Variants in PHKB observed in about 807,000 individuals in gnomAD.
The protein encoded by PHKB is phosphorylase kinase regulatory subunit beta, also known as phosphorylase b kinase regulatory subunit beta.
Under a neutral mutation model 152.1 loss-of-function variants are expected in PHKB, and 122 were observed. That is an observed-to-expected ratio of 0.80 (90% CI 0.69 to 0.93). The LOEUF (loss-of-function observed/expected upper bound fraction) is 0.93, where lower values mean the gene tolerates loss of function less well. Among genes scored for constraint, PHKB ranks in the 40% least tolerant of loss-of-function variants. The pLI is 0.00. For missense variants in PHKB, 1,304 were observed against 1,328.4 expected, an observed-to-expected ratio of 0.98 and a Z score of 0.29; for synonymous variants, 436 against 464.9, an observed-to-expected ratio of 0.94 and a Z score of 0.80.
At chr16:47,628,496 C>T (rs572292053) in intron 14 of PHKB, among the ~76,000 whole-genome samples, 8 of 152,168 alleles carry the variant, frequency 5.3e-5, no homozygotes, top group East Asian at 3.9e-4. Flanking sequence ...CGCTCCACTG[C>T]GCTCCAGCCT....
intron 1 of PHKB, chr16:47,464,127 T>G: frequency 1.4e-6 from 1 of 705,252 alleles, no homozygotes; most frequent in Non-Finnish European, 2.6e-6. Flanking sequence ...ACCCGGCTGG[T>G]GTTTTGTTTA....
chr16:47,587,893 G>A, intron 9 of PHKB, 130 bp downstream of exon 9: 1 of 757,918 alleles, frequency 1.3e-6, no homozygotes, highest in African/African-American at 1.7e-5. Flanking sequence ...GGACATGATA[G>A]ATATTGCCCC....
In PHKB at chr16:47,624,264, G is replaced by A. The variant is rs1972669810; in HGVS notation, c.1458+13344G>A. Among the ~76,000 whole-genome samples the A allele has an allele frequency of 2.0e-5, 3 of 152,168 alleles. No homozygotes were observed. In the South Asian group the frequency reaches 6.2e-4, roughly 32 times the overall value. On this transcript the variant is annotated intron_variant, in intron 14 of 30. Coordinates refer to ENST00000323584, the MANE Select transcript of PHKB (RefSeq NM_000293.3). The stretch of plus-strand genomic sequence containing the variant: ...GAATTGAAAGGGACACTGTAACATG[G>A]TCAGGTATCTGGACACTAATTATGG...
At chr16:47,644,275 G>A (rs944366381) in intron 16 of PHKB, among the ~76,000 whole-genome samples, 2 of 152,222 alleles carry the variant, frequency 1.3e-5, no homozygotes, top group Non-Finnish European at 2.9e-5. Flanking sequence ...CTGGCCAGTT[G>A]ACTTTGTCTA....
intron 4 of PHKB, among the ~76,000 whole-genome samples, chr16:47,507,776 A>G (rs113373317): frequency 3.9e-4 from 60 of 152,342 alleles, no homozygotes; most frequent in African/African-American, 1.4e-3. Flanking sequence ...TCTAGTGCAT[A>G]TGAGTGTGAG....
chr16:47,586,737 C>T (rs959288639), intron 8 of PHKB, among the ~76,000 whole-genome samples: 6 of 152,060 alleles, frequency 3.9e-5, no homozygotes, highest in Admixed American at 6.6e-5. Flanking sequence ...TCTCCCTTTC[C>T]CCATGTATTT....
intron 1 of PHKB, among the ~76,000 whole-genome samples, chr16:47,477,691 A>T (rs146883804): frequency 3.3e-5 from 5 of 152,346 alleles, no homozygotes; most frequent in Admixed American, 1.3e-4. Flanking sequence ...TGTGGACAGC[A>T]TCTCCAAGGC....
At chr16:47,651,334 A>G (rs988894552) in intron 20 of PHKB, among the ~76,000 whole-genome samples, 1 of 152,202 alleles carries the variant, frequency 6.6e-6, no homozygotes, top group Non-Finnish European at 1.5e-5. Flanking sequence ...TTACAGAAAC[A>G]TTCTTTGGTT....
At chr16:47,559,594 G>T (rs1971441407) in intron 7 of PHKB, among the ~76,000 whole-genome samples, 1 of 152,138 alleles carries the variant, frequency 6.6e-6, no homozygotes, top group African/African-American at 2.4e-5. Flanking sequence ...GACCTTGGCA[G>T]GACCTGTCCA....
intron 29 of PHKB, among the ~76,000 whole-genome samples, chr16:47,697,918 T>C (rs1974177634): frequency 6.6e-6 from 1 of 152,216 alleles, no homozygotes; most frequent in Non-Finnish European, 1.5e-5. Flanking sequence ...AACATATTTT[T>C]TTAAAACATG....
At chr16:47,464,965 A>C (rs1417211296) in intron 1 of PHKB, among the ~76,000 whole-genome samples, 2 of 152,204 alleles carry the variant, frequency 1.3e-5, no homozygotes, top group Non-Finnish European at 2.9e-5. Context: ...GCTTCACCAT[A>C]GCCTTTCAGA....
chr16:47,610,159 ATTTTT>A (rs371224839), intron 13 of PHKB, among the ~76,000 whole-genome samples: 405 of 99,428 alleles, frequency 4.1e-3, no homozygotes, highest in Middle Eastern at 0.024. Context: ...TGCCCAGCTA[ATTTTT>A]TTTTTTTTTT....
chr16:47,471,258 C>T (rs76144640), intron 1 of PHKB, among the ~76,000 whole-genome samples: 7 of 152,018 alleles, frequency 4.6e-5, no homozygotes, highest in Non-Finnish European at 8.8e-5. Context: ...ACTGAAAAGG[C>T]CATTATGGGT....
At chr16:47,650,480 T>C (rs762796221) in intron 18 of PHKB, 64 bp from the exon 19 acceptor site, 6 of 954,462 alleles carry the variant, frequency 6.3e-6, no homozygotes, top group Admixed American at 1.7e-5. Flanking sequence ...TTGGCACTCA[T>C]GGTTGAGCAT....
intron 7 of PHKB, among the ~76,000 whole-genome samples, chr16:47,549,000 G>T (rs1404405256): frequency 6.6e-6 from 1 of 152,126 alleles, no homozygotes; most frequent in Non-Finnish European, 1.5e-5. Flanking sequence ...ATCCTTAACT[G>T]ACGTGGAAAC....
Position 47,547,293 on chromosome 16 carries a change from A to G in PHKB, c.595-140A>G, listed in dbSNP as rs2151672390. ...AGAGATGAGTTTCTGCATGTTGGTC[A>G]TGCTGGTCTCAAACTCCCAACCTCA... On this transcript the variant is annotated intron_variant, in intron 6 of 30. Transcript: ENST00000323584. 9 of 655,994 alleles carry G rather than the reference A, an allele frequency of 1.4e-5. No individual in the cohort carries two copies. In the East Asian group the frequency reaches 1.7e-4, roughly 12 times the overall value. 40.6% of individuals were successfully genotyped at this position (655,994 alleles called of 1,614,324 possible).
At chr16:47,591,391 T>A (rs1479441743) in intron 10 of PHKB, among the ~76,000 whole-genome samples, 1 of 152,194 alleles carries the variant, frequency 6.6e-6, no homozygotes, top group Non-Finnish European at 1.5e-5. Flanking sequence ...TGTGCTGGCT[T>A]CAATCCATTT....
chr16:47,699,130 T>A, intron 30 of PHKB, 99 bp from the exon 31 acceptor site: 2 of 1,088,318 alleles, frequency 1.8e-6, no homozygotes, highest in Non-Finnish European at 2.8e-6. Context: ...AGGAAATCTT[T>A]ATGTGAATTT....
intron 4 of PHKB, among the ~76,000 whole-genome samples, chr16:47,508,912 A>G (rs1290180848): frequency 3.3e-5 from 5 of 152,160 alleles, no homozygotes; most frequent in African/African-American, 1.2e-4. Flanking sequence ...AATGGCTTTA[A>G]AACTCAAAAT....
Sources: gnomAD v4.1 joint callset for allele counts (sites outside exome capture counted in the v4.1 genomes callset) on GRCh38, gnomAD v4.1.1 for gene constraint, MANE v1.5 for transcripts, NCBI Gene and HGNC (gene_info 2026-07-23, HGNC 2026-07-21) for gene names.